Variants in MAF observed in about 807,000 individuals in gnomAD.
MAF encodes transcription factor Maf.
A neutral mutation model predicts 22.0 loss-of-function variants in MAF; 10 were observed. That is an observed-to-expected ratio of 0.45 (90% CI 0.28 to 0.77). The LOEUF is 0.77. Ranked by LOEUF, MAF falls within the 30% of genes least tolerant of loss-of-function variation. The pLI, the probability that MAF is intolerant of heterozygous loss-of-function variation, is 0.12. For missense variants in MAF, 544 were observed against 548.4 expected, an observed-to-expected ratio of 0.99 and a Z score of 0.08; for synonymous variants, 337 against 255.8, an observed-to-expected ratio of 1.32 and a Z score of -3.03.
At chr16:79,299,077 A>C in the MAF span, among the ~76,000 whole-genome samples, 1 of 152,236 alleles carries the variant, frequency 6.6e-6, no homozygotes, top group Admixed American at 6.5e-5. Context: ...CCAACTGCTA[A>C]CTTGAGAATG....
chr16:79,468,436 AGGGAGC>A, the MAF span, among the ~76,000 whole-genome samples: 1 of 152,166 alleles, frequency 6.6e-6, no homozygotes, highest in Non-Finnish European at 1.5e-5. Context: ...TGTCCTCTGG[AGGGAGC>A]CAAGTCCGTG....
chr16:79,276,035 G>A, the MAF span, among the ~76,000 whole-genome samples: 1 of 152,106 alleles, frequency 6.6e-6, no homozygotes, highest in African/African-American at 2.4e-5. Flanking sequence ...CACCTACTCG[G>A]GAGGCTGAGG....
At chr16:79,222,354 GA>G in the MAF span, among the ~76,000 whole-genome samples, 1 of 151,950 alleles carries the variant, frequency 6.6e-6, no homozygotes, top group Non-Finnish European at 1.5e-5. Context: ...ACATGGAAAG[GA>G]ACAACTGATA....
At chr16:79,406,282 G>A in the MAF span, among the ~76,000 whole-genome samples, 1 of 152,194 alleles carries the variant, frequency 6.6e-6, no homozygotes, top group Non-Finnish European at 1.5e-5. Context: ...AGACAGAGTG[G>A]TCTGGCACGT....
downstream of MAF, among the ~76,000 whole-genome samples, chr16:79,593,230 C>G (rs1597840025): frequency 6.6e-6 from 1 of 152,024 alleles, no homozygotes; most frequent in African/African-American, 2.4e-5. Flanking sequence ...TTGGCCTAAA[C>G]GAAAACAACG....
chr16:79,570,029 T>C, the MAF span, among the ~76,000 whole-genome samples: 2 of 144,054 alleles, frequency 1.4e-5, no homozygotes, highest in African/African-American at 2.6e-5. Flanking sequence ...TTTTTTTTTT[T>C]TGGATCTTTC....
chr16:79,212,560 C>T, the MAF span: 84 of 166,608 alleles, frequency 5.0e-4, no homozygotes, highest in Middle Eastern at 0.013. Flanking sequence ...GTTAGTTAAT[C>T]CCTTTGTCTG....
At position 79,599,573 on chromosome 16, in the gene MAF, G is replaced by A. The variant is rs768483870; in HGVS notation, c.330C>T (p.Pro110=). 1.2e-6 allele frequency: 2 copies of A among 1,600,654 alleles called. No homozygotes were observed. The highest frequency in any genetic ancestry group is 1.7e-6 in the Non-Finnish European group (2 of 1,174,544). The change falls in exon 1 of 2, where the codon CCC becomes CCT. Residue 110 remains proline (P), a synonymous_variant. Transcript: ENST00000326043. ...TGATGAGCGCCTCGACCGCGTCCTC[G>A]GGGCTGAAGCCCAGCGCCTCGGGGT... ...QLNPEALGFS[P]EDAVEALISN... is the part of the protein sequence containing the mutation.
the MAF span, among the ~76,000 whole-genome samples, chr16:79,307,230 C>A: frequency 6.6e-6 from 1 of 152,180 alleles, no homozygotes; most frequent in African/African-American, 2.4e-5. Flanking sequence ...CACGAGCTGA[C>A]CACAGGGCCT....
the MAF span, among the ~76,000 whole-genome samples, chr16:79,489,743 C>T: frequency 1.8e-4 from 28 of 152,110 alleles, 1 homozygote; most frequent in African/African-American, 5.8e-4. Context: ...CTTCAGGGTA[C>T]GGAAAGTGTT....
At chr16:79,584,339 A>C (rs538350415), downstream of MAF, among the ~76,000 whole-genome samples, 1 of 152,168 alleles carries the variant, frequency 6.6e-6, no homozygotes, top group Non-Finnish European at 1.5e-5. Context: ...CAAGTATTGA[A>C]CTTTTCATAT....
chr16:79,281,318 T>C, the MAF span, among the ~76,000 whole-genome samples: 1 of 151,286 alleles, frequency 6.6e-6, no homozygotes, highest in Admixed American at 6.6e-5. Flanking sequence ...TCGTGAAAGA[T>C]GAAAGAAAGC....
the MAF span, among the ~76,000 whole-genome samples, chr16:79,500,143 C>A: frequency 1.3e-5 from 2 of 152,178 alleles, no homozygotes; most frequent in Non-Finnish European, 2.9e-5. Context: ...GACGGTCTGG[C>A]CTCCAGGACT....
the MAF span, among the ~76,000 whole-genome samples, chr16:79,348,197 C>T: frequency 1.3e-5 from 2 of 152,238 alleles, no homozygotes; most frequent in African/African-American, 4.8e-5. Context: ...GTTCCTTTTG[C>T]ACACACTGCA....
At chr16:79,206,180 C>G in the MAF span, 1 of 152,230 alleles carries the variant, frequency 6.6e-6, no homozygotes, top group African/African-American at 2.4e-5. Context: ...ACAGCCCCCA[C>G]ATTTCATTTT....
the MAF span, among the ~76,000 whole-genome samples, chr16:79,259,031 TA>T: frequency 6.6e-6 from 1 of 152,118 alleles, no homozygotes. Flanking sequence ...TTTGGGAGGT[TA>T]AAAATTCTCC....
chr16:79,589,863 G>A (rs1287036366), downstream of MAF, among the ~76,000 whole-genome samples: 1 of 152,232 alleles, frequency 6.6e-6, no homozygotes, highest in Non-Finnish European at 1.5e-5. Flanking sequence ...GCGCCCCCGG[G>A]CGCCGGGCGG....
chr16:79,291,416 C>G, the MAF span, among the ~76,000 whole-genome samples: 1 of 152,118 alleles, frequency 6.6e-6, no homozygotes, highest in African/African-American at 2.4e-5. Context: ...GCCCAGATCT[C>G]CTGCTTTTGG....
chr16:79,294,785 C>T, the MAF span, among the ~76,000 whole-genome samples: 2 of 152,194 alleles, frequency 1.3e-5, no homozygotes, highest in African/African-American at 2.4e-5. Flanking sequence ...AACTCTCTAT[C>T]CAGCATTGAG....
Sources: gnomAD v4.1 joint callset for allele counts (sites outside exome capture counted in the v4.1 genomes callset) on GRCh38, gnomAD v4.1.1 for gene constraint, MANE v1.5 for transcripts, NCBI Gene and HGNC (gene_info 2026-07-23, HGNC 2026-07-21) for gene names.